Variants in KNDC1 observed in about 807,000 individuals in gnomAD.
The protein encoded by KNDC1 is kinase non-catalytic C-lobe domain containing 1, also known as kinase non-catalytic C-lobe domain-containing protein 1.
A neutral mutation model predicts 172.8 loss-of-function variants in KNDC1; 106 were observed. That is an observed-to-expected ratio of 0.61 (90% CI 0.52 to 0.72). The LOEUF (loss-of-function observed/expected upper bound fraction) is 0.72. KNDC1 is among the 30% of genes least tolerant of loss of function. The probability of loss-of-function intolerance (pLI) is 0.00; values close to 1 mark genes in which losing one functional copy is unlikely to be tolerated. For synonymous variants in KNDC1, 1,083 were observed against 1,062.2 expected, an observed-to-expected ratio of 1.02 and a Z score of -0.38; for missense variants, 2,325 against 2,394.5, an observed-to-expected ratio of 0.97 and a Z score of 0.61.
chr10:133,207,376 G>T (rs200718298), intron 20 of KNDC1, 25 bp downstream of exon 20: 1 of 1,604,800 alleles, frequency 6.2e-7, no homozygotes, highest in East Asian at 2.2e-5. Context: ...AAGCTCACCC[G>T]GAAAAGGAGA....
intron 3 of KNDC1, among the ~76,000 whole-genome samples, chr10:133,176,497 C>T (rs371011841): frequency 1.5e-3 from 234 of 152,262 alleles, no homozygotes; most frequent in Non-Finnish European, 2.3e-3. Flanking sequence ...GTGTGCAGTG[C>T]CTGGTAGGCA....
chr10:133,199,352 C>T, intron 14 of KNDC1, 86 bp downstream of exon 14: 1 of 1,561,342 alleles, frequency 6.4e-7, no homozygotes, highest in African/African-American at 1.3e-5. Context: ...CGCCCTTCCC[C>T]CAGCCCCCCA....
In KNDC1 at chr10:133,210,608, C is replaced by T; in HGVS notation, c.3795-3C>T. 3 of 1,604,768 alleles carry T rather than the reference C, an allele frequency of 1.9e-6. No individual in the cohort carries two copies. The highest frequency in any genetic ancestry group is 2.6e-6 in the Non-Finnish European group (3 of 1,171,674). Reference sequence around the variant, plus strand: ...CCTCACCGCCGCCCGCCCCGCCCCACAGTGATGCCTTCCTGGAGGGTTATG... The same window carrying T: ...CCTCACCGCCGCCCGCCCCGCCCCATAGTGATGCCTTCCTGGAGGGTTATG... On this transcript the variant is annotated splice_region_variant and splice_polypyrimidine_tract_variant and intron_variant, in intron 20 of 29. Transcript: ENST00000304613.
Position 133,184,772 on chromosome 10 carries a change from A to G in KNDC1, c.625+783A>G, listed in dbSNP as rs561359011. On this transcript the variant is annotated intron_variant, in intron 5 of 29. Coordinates refer to ENST00000304613, the MANE Select transcript of KNDC1 (RefSeq NM_152643.8). ...AGGCTCAGCTTCAGAAGTCTGTGGC[A>G]TTGGTGCCAGTGTGGCATTGGTGCC... Among the ~76,000 whole-genome samples, 26 of 152,342 alleles carry G rather than the reference A, an allele frequency of 1.7e-4. 1 individual carries two copies. In the South Asian group the frequency reaches 3.3e-3, roughly 19 times the overall value.
At chr10:133,166,750 G>GC (rs1232425206) in intron 1 of KNDC1, among the ~76,000 whole-genome samples, 1 of 152,078 alleles carries the variant, frequency 6.6e-6, no homozygotes, top group African/African-American at 2.4e-5. Context: ...CATGTGCATG[G>GC]GGGGGGTGTG....
chr10:133,218,327 G>A (rs1230976284), intron 26 of KNDC1, among the ~76,000 whole-genome samples: 1 of 152,224 alleles, frequency 6.6e-6, no homozygotes, highest in East Asian at 1.9e-4. Context: ...CAGCAAGGTC[G>A]TCACCGCCAG....
At chr10:133,203,506 C>T (rs921158890) in intron 17 of KNDC1, among the ~76,000 whole-genome samples, 17 of 152,264 alleles carry the variant, frequency 1.1e-4, no homozygotes, top group South Asian at 6.2e-4. Flanking sequence ...CACGGTGCAG[C>T]GAGGGCCGTT....
rs773204107 is a variant in KNDC1 at position 133,198,609 on chromosome 10, G to A, written c.2101G>A (p.Glu701Lys). ...DQPALAQEES[E>K]ERGGQREGEG... ...GCCTGCCTTGGCCCAGGAGGAGTCC[G>A]AGGAGAGGGGCGGCCAGAGGGAGGG... is the stretch of plus-strand genomic sequence containing the variant. Residue 701 changes from glutamate to lysine, a missense_variant, in exon 14 of 30, where the codon GAG becomes AAG. Physicochemically the swap from Glu to Lys is moderately conservative, Grantham distance 56. Coordinates refer to ENST00000304613, the MANE Select transcript of KNDC1 (RefSeq NM_152643.8). 15 of 1,600,778 alleles carry A rather than the reference G, an allele frequency of 9.4e-6. No individual in the cohort carries two copies. Among genetic ancestry groups the A allele is most frequent in the African/African-American group, 1.3e-5 (1 of 74,922 alleles).
chr10:133,173,160 G>A (rs1428685108), intron 3 of KNDC1, among the ~76,000 whole-genome samples: 2 of 152,198 alleles, frequency 1.3e-5, no homozygotes, highest in Non-Finnish European at 2.9e-5. Context: ...TGATTGGACA[G>A]TTAATTTGTG....
Position 133,209,434 on chromosome 10 carries a change from G to A in KNDC1, c.3795-1177G>A, listed in dbSNP as rs1589769753. ...GGTGTGTGGCGGGTATAGTGTGTGT[G>A]TGCACGTATGTGTGGTGTGGGGTAT... On this transcript the variant is annotated intron_variant, in intron 20 of 29. Coordinates refer to ENST00000304613, the MANE Select transcript of KNDC1 (RefSeq NM_152643.8). The surrounding 1 kb of genome is among the most constrained non-coding windows in gnomAD (Gnocchi z 4.9). 6.6e-6 allele frequency among the ~76,000 whole-genome samples: 1 copy of A among 151,186 alleles called. No homozygotes were observed. Among genetic ancestry groups the A allele is most frequent in the Admixed American group, 6.6e-5 (1 of 15,188 alleles).
rs113271948 is a variant in KNDC1 at position 133,187,214 on chromosome 10, G to A, written c.1326+540G>A. Among the ~76,000 whole-genome samples, 1,379 of 152,338 alleles carry A rather than the reference G, an allele frequency of 9.1e-3. 27 individuals carry two copies. Among genetic ancestry groups the A allele is most frequent in the African/African-American group, 0.032 (1,310 of 41,582 alleles). On this transcript the variant is annotated intron_variant, in intron 6 of 29. Transcript: ENST00000304613. The stretch of plus-strand genomic sequence containing the variant: ...TGGGATCTGGTGCGGCTGCCCGGAC[G>A]TGGCCTCCACACAGGATGGGGCCTC...
intron 3 of KNDC1, among the ~76,000 whole-genome samples, chr10:133,169,494 C>G (rs1219141672): frequency 1.3e-5 from 2 of 152,206 alleles, no homozygotes; most frequent in African/African-American, 4.8e-5. Flanking sequence ...GGATGGCTTC[C>G]CGCACCCTGC....
At chr10:133,195,869 G>A in intron 10 of KNDC1, 48 bp downstream of exon 10, 1 of 1,429,140 alleles carries the variant, frequency 7.0e-7, no homozygotes, top group South Asian at 1.4e-5. Context: ...AAGGACTGTG[G>A]GCAGTGGCCG....
chr10:133,186,332 A>G lies in KNDC1; in HGVS notation c.984A>G (p.Lys328=), dbSNP rs780483585. Residue 328 remains lysine, a synonymous_variant, in exon 6 of 30, where the codon AAA becomes AAG. Coordinates refer to ENST00000304613, the MANE Select transcript of KNDC1 (RefSeq NM_152643.8). ...ATLCLPLTRG[K]SQLPISELFS... ...TCTGCCTGCCGCTGACCCGCGGGAA[A>G]AGCCAGCTGCCCATATCGGAATTAT... The G allele has an allele frequency of 6.2e-7, 1 of 1,612,616 alleles. No individual in the cohort carries two copies. The highest frequency in any genetic ancestry group is 1.1e-5 in the South Asian group (1 of 91,056).
chr10:133,160,998 C>G (rs1237470798), intron 1 of KNDC1, among the ~76,000 whole-genome samples: 1 of 151,982 alleles, frequency 6.6e-6, no homozygotes, highest in Non-Finnish European at 1.5e-5. Flanking sequence ...GTGGGGGGAG[C>G]GCTGGATGAC....
chr10:133,166,187 C>T (rs1853144772), intron 1 of KNDC1, among the ~76,000 whole-genome samples: 1 of 152,190 alleles, frequency 6.6e-6, no homozygotes, highest in South Asian at 2.1e-4. Context: ...TCCAGTACAG[C>T]CAGAGCCGCC....
intron 3 of KNDC1, among the ~76,000 whole-genome samples, chr10:133,181,295 A>G (rs1298392480): frequency 1.3e-5 from 2 of 152,256 alleles, no homozygotes; most frequent in Non-Finnish European, 2.9e-5. Context: ...TGCATGTCAC[A>G]GGTCCCCCAG....
chr10:133,205,811 G>A (rs1441670505), intron 17 of KNDC1, among the ~76,000 whole-genome samples: 1 of 152,122 alleles, frequency 6.6e-6, no homozygotes, highest in Non-Finnish European at 1.5e-5. Flanking sequence ...CTCCCACCTG[G>A]GCAGCAGAGC....
chr10:133,172,442 A>G (rs1419002763), intron 3 of KNDC1, among the ~76,000 whole-genome samples: 2 of 152,180 alleles, frequency 1.3e-5, no homozygotes, highest in African/African-American at 2.4e-5. Context: ...TGCCTTTTGT[A>G]TACACTGTTT....
Sources: gnomAD v4.1 joint callset for allele counts (sites outside exome capture counted in the v4.1 genomes callset) on GRCh38, gnomAD v4.1.1 for gene constraint, Gnocchi (gnomAD v3.1) non-coding constraint, MANE v1.5 for transcripts, NCBI Gene and HGNC (gene_info 2026-07-23, HGNC 2026-07-21) for gene names.